Variants in ACSM2A observed in about 807,000 individuals in gnomAD.
The protein encoded by ACSM2A is acyl-CoA synthetase medium chain family member 2A.
Under a neutral mutation model 76.6 loss-of-function variants are expected in ACSM2A, and 72 were observed. That is an observed-to-expected ratio of 0.94 (90% CI 0.78 to 1.14). The LOEUF is 1.14. Ranked by LOEUF, ACSM2A falls within the 50% of genes most tolerant of loss-of-function variation. ACSM2A has a pLI of 0.00. For missense variants in ACSM2A, 684 were observed against 708.5 expected (o/e 0.97, Z 0.39); for synonymous variants, 249 against 255.9 (o/e 0.97, Z 0.26).
chr16:20,465,846 A>G (rs1257119940), intron 3 of ACSM2A, 119 bp downstream of exon 3: 2 of 1,443,832 alleles, frequency 1.4e-6, no homozygotes, highest in African/African-American at 2.9e-5. Context: ...GTCCTGTATC[A>G]TATGAAGAAA....
intron 13 of ACSM2A, among the ~76,000 whole-genome samples, chr16:20,485,953 A>T (rs1221426360): frequency 2.0e-5 from 3 of 152,230 alleles, no homozygotes; most frequent in African/African-American, 7.2e-5. Context: ...AACTTCAAAC[A>T]TTCCTTTTAA....
intron 2 of ACSM2A, among the ~76,000 whole-genome samples, chr16:20,464,798 G>T (rs1040384704): frequency 1.4e-4 from 21 of 152,126 alleles, no homozygotes; most frequent in Non-Finnish European, 2.5e-4. Flanking sequence ...GGGATGACGG[G>T]TGATTGTGTA....
intron 8 of ACSM2A, 98 bp from the exon 9 acceptor site, chr16:20,477,271 C>G: frequency 6.7e-7 from 1 of 1,500,102 alleles, no homozygotes; most frequent in Non-Finnish European, 8.9e-7. Flanking sequence ...AGGCCAAGTT[C>G]AGGACAGTGT....
chr16:20,480,519 G>T, intron 10 of ACSM2A, 54 bp from the exon 11 acceptor site: 1 of 1,576,794 alleles, frequency 6.3e-7, no homozygotes, highest in Non-Finnish European at 8.6e-7. Flanking sequence ...CAGCCCCAGG[G>T]CAGGGGATTT....
chr16:20,471,367 C>G, intron 5 of ACSM2A, 151 bp downstream of exon 5: 1 of 1,493,218 alleles, frequency 6.7e-7, no homozygotes, highest in Non-Finnish European at 9.0e-7. Flanking sequence ...GATAGAACAA[C>G]TTTTCTTCCC....
Position 20,469,771 on chromosome 16 carries a change from C to A in ACSM2A, c.596+52C>A, listed in dbSNP as rs1423333461. 4 of 1,610,058 alleles carry A rather than the reference C, an allele frequency of 2.5e-6. No homozygotes were observed. In the African/African-American group the frequency reaches 5.4e-5, roughly 22 times the overall value. On this transcript the variant is annotated intron_variant, in intron 4 of 13. Coordinates refer to ENST00000573854, the MANE Select transcript of ACSM2A (RefSeq NM_001308172.2). Reference sequence around the variant, plus strand: ...GTTTTAACTAAAACTGGAAACAGAGCCAAGCACTTAGGTGCAGGTGCTTTA... The same window carrying A: ...GTTTTAACTAAAACTGGAAACAGAGACAAGCACTTAGGTGCAGGTGCTTTA...
intron 8 of ACSM2A, chr16:20,476,432 C>G: frequency 1.0e-6 from 1 of 985,536 alleles, no homozygotes; most frequent in Non-Finnish European, 1.2e-6. Flanking sequence ...CTGCATCCTT[C>G]TTTGGCTAAT....
chr16:20,475,444 G>A lies in ACSM2A; in HGVS notation c.974+3G>A, dbSNP rs569053511. The A allele has an allele frequency of 1.2e-6, 2 of 1,613,756 alleles. No homozygotes were observed. Among genetic ancestry groups the A allele is most frequent in the African/African-American group, 1.3e-5 (1 of 74,982 alleles). ...TTGCTACAGCAGGATCTTTCCAGGT[G>A]ATGGGGCTTTGAGGATTGGTAAGAG... On this transcript the variant is annotated splice_donor_region_variant and intron_variant, in intron 7 of 13. Coordinates refer to ENST00000573854, the MANE Select transcript of ACSM2A (RefSeq NM_001308172.2).
At chr16:20,470,861 C>T (rs759023300) in intron 4 of ACSM2A, 42 of 743,812 alleles carry the variant, frequency 5.6e-5, no homozygotes, top group African/African-American at 3.3e-4. Flanking sequence ...TTTAAGGTTG[C>T]ATTGATAACA....
In ACSM2A at chr16:20,480,834, A is replaced by G; in HGVS notation, c.1422A>G (p.Gly474=). The G allele has an allele frequency of 6.2e-7, 1 of 1,613,800 alleles. No individual in the cohort carries two copies. The highest frequency in any genetic ancestry group is 8.5e-7 in the Non-Finnish European group (1 of 1,179,834). Residue 474 remains glycine, a synonymous_variant, in exon 12 of 14, where the codon GGA becomes GGG. Coordinates refer to ENST00000573854, the MANE Select transcript of ACSM2A (RefSeq NM_001308172.2). ...GGTTCTTCTGCAGGTACCGGATTGG[A>G]CCCTCGGAGGTAGAGAATGCACTGA... ...DIINSSGYRI[G]PSEVENALME...
At chr16:20,451,835 G>T (rs1425887080) in intron 1 of ACSM2A, among the ~76,000 whole-genome samples, 154 bp downstream of exon 1, 1 of 140,764 alleles carries the variant, frequency 7.1e-6, no homozygotes. Flanking sequence ...CAAGTCTTAG[G>T]AGGAAACACT....
At chr16:20,468,978 A>G (rs200105238) in intron 3 of ACSM2A, among the ~76,000 whole-genome samples, 54 of 149,146 alleles carry the variant, frequency 3.6e-4, no homozygotes, top group African/African-American at 9.3e-4. Flanking sequence ...TTATAATACC[A>G]CTTTGTACCC....
intron 2 of ACSM2A, among the ~76,000 whole-genome samples, chr16:20,462,176 A>C (rs539887038): frequency 1.2e-4 from 19 of 152,180 alleles, no homozygotes; most frequent in Non-Finnish European, 2.5e-4. Context: ...TGAAGTTACA[A>C]AGTGTGACTT....
At chr16:20,472,838 G>C (rs1402543600) in intron 6 of ACSM2A, among the ~76,000 whole-genome samples, 2 of 152,154 alleles carry the variant, frequency 1.3e-5, no homozygotes, top group Non-Finnish European at 2.9e-5. Flanking sequence ...TGGCTGCAAA[G>C]TATTTCATTA....
rs562604336 is a variant in ACSM2A, at chr16:20,475,142, T to G, written c.895-220T>G. On this transcript the variant is annotated intron_variant, in intron 6 of 13. Transcript: ENST00000573854. ...AAAATGTTTCAAATTAGCCTTAGAC[T>G]TTTTCACTACAATAATATGTATTCA... 3.3e-5 allele frequency among the ~76,000 whole-genome samples: 5 copies of G among 152,328 alleles called. No homozygotes were observed. The East Asian group carries it at 9.7e-4, about 29-fold the overall frequency.
chr16:20,477,747 A>T (rs540823478), intron 9 of ACSM2A, among the ~76,000 whole-genome samples: 5 of 152,302 alleles, frequency 3.3e-5, no homozygotes, highest in Admixed American at 3.3e-4. Flanking sequence ...ATCTTGACAT[A>T]ATATTTTGTA....
intron 1 of ACSM2A, among the ~76,000 whole-genome samples, chr16:20,454,810 A>C (rs575067543): frequency 6.6e-6 from 1 of 151,878 alleles, no homozygotes; most frequent in African/African-American, 2.4e-5. Context: ...CAAACCAAGA[A>C]GAAACTCCTA....
chr16:20,481,029 C>G lies in ACSM2A; in HGVS notation c.1509+108C>G, dbSNP rs1361613228. ...GGGGCTGAACACTCTGAGACCCAAT[C>G]TTGGCCCTGCCACTTACTAGCTATG... is the stretch of plus-strand genomic sequence containing the variant. On this transcript the variant is annotated intron_variant, in intron 12 of 13. Transcript: ENST00000573854. 15 of 1,316,880 alleles carry G rather than the reference C, an allele frequency of 1.1e-5. 1 individual carries two copies. In the African/African-American group the frequency reaches 1.9e-4, roughly 17 times the overall value. 81.6% of individuals were successfully genotyped at this position (1,316,880 alleles called of 1,614,324 possible). A position where few individuals can be genotyped will look rare whatever the true frequency, so the allele number is the denominator to read the frequency against.
intron 6 of ACSM2A, among the ~76,000 whole-genome samples, chr16:20,473,412 T>A (rs1430503727): frequency 6.6e-6 from 1 of 152,092 alleles, no homozygotes; most frequent in Admixed American, 6.5e-5. Flanking sequence ...TGGAAAAGAC[T>A]AAGGAAATTA....
Sources: gnomAD v4.1 joint callset for allele counts (sites outside exome capture counted in the v4.1 genomes callset) on GRCh38, gnomAD v4.1.1 for gene constraint, MANE v1.5 for transcripts, NCBI Gene and HGNC (gene_info 2026-07-23, HGNC 2026-07-21) for gene names.